GALK2: variants seen among roughly 807,000 people sequenced by gnomAD.
GALK2 encodes galactokinase 2.
Under a neutral mutation model 52.4 loss-of-function variants are expected in GALK2, and 36 were observed. The observed-to-expected ratio is 0.69, with a 90% confidence interval of 0.53 to 0.91. The LOEUF (loss-of-function observed/expected upper bound fraction) is 0.91. Ranked by LOEUF, GALK2 falls within the 40% of genes least tolerant of loss-of-function variation. The probability of loss-of-function intolerance (pLI) is 0.00; values close to 1 mark genes in which losing one functional copy is unlikely to be tolerated. For missense variants in GALK2, 579 were observed against 559.1 expected (o/e 1.04, Z -0.36); for synonymous variants, 176 against 199.1 (o/e 0.88, Z 0.98).
At chr15:49,174,437 C>T (rs1022449186) in intron 1 of GALK2, among the ~76,000 whole-genome samples, 1 of 152,118 alleles carries the variant, frequency 6.6e-6, no homozygotes, top group Non-Finnish European at 1.5e-5. Context: ...CCACCACTTG[C>T]CGGGTTCAAG....
At chr15:49,331,964 A>G, downstream of GALK2, 1 of 680,332 alleles carries the variant, frequency 1.5e-6, no homozygotes, top group South Asian at 1.7e-5. Flanking sequence ...CAAGCACTTT[A>G]CATATATTAA....
intron 3 of GALK2, among the ~76,000 whole-genome samples, chr15:49,361,927 T>C (rs990446726): frequency 2.6e-5 from 4 of 152,214 alleles, no homozygotes; most frequent in South Asian, 4.1e-4. Flanking sequence ...GACTTTTCCA[T>C]AGTAGCCATT....
intron 5 of GALK2, among the ~76,000 whole-genome samples, chr15:49,269,206 G>A (rs1421831046): frequency 2.0e-5 from 3 of 152,088 alleles, no homozygotes; most frequent in African/African-American, 7.2e-5. Flanking sequence ...ACTTCTTTTG[G>A]TTCTCCCATG....
At position 49,331,768 on chromosome 15, in the gene GALK2, A is replaced by G. The variant is rs753897866; in HGVS notation, c.*3609A>G. On this transcript the variant is annotated 3_prime_UTR_variant, in exon 10 of 10. Transcript: ENST00000560031. Reference sequence around the variant, plus strand: ...GAGAGAATTCTCAATTATTTTCAGAAAGAAAACCTACCAGTTTATGTAGGA... The same window carrying G: ...GAGAGAATTCTCAATTATTTTCAGAGAGAAAACCTACCAGTTTATGTAGGA... 1 of 1,533,262 alleles carries G rather than the reference A, an allele frequency of 6.5e-7. No homozygotes were observed. The highest frequency in any genetic ancestry group is 1.1e-5 in the South Asian group (1 of 89,256). 95.0% of individuals were successfully genotyped at this position (1,533,262 alleles called of 1,614,324 possible).
At chr15:49,178,248 G>GTA (rs2085655480) in intron 1 of GALK2, 2 of 76,494 alleles carry the variant, frequency 2.6e-5, no homozygotes, top group East Asian at 5.5e-4. Context: ...GTATAAATAT[G>GTA]TCTATATGTA....
At chr15:49,236,081 A>G in intron 4 of GALK2, 140 bp downstream of exon 4, 1 of 635,424 alleles carries the variant, frequency 1.6e-6, no homozygotes, top group Non-Finnish European at 2.8e-6. Context: ...TTTGTGTTTC[A>G]GAGAGTGGGG....
chr15:49,197,548 C>T (rs892231799), intron 1 of GALK2, among the ~76,000 whole-genome samples: 5 of 152,180 alleles, frequency 3.3e-5, no homozygotes, highest in Admixed American at 6.5e-5. Flanking sequence ...GTTTCATATA[C>T]GCTTTATTCA....
chr15:49,352,595 T>C (rs1387297990), intron 3 of GALK2, among the ~76,000 whole-genome samples: 2 of 152,218 alleles, frequency 1.3e-5, no homozygotes, highest in Non-Finnish European at 2.9e-5. Flanking sequence ...TATTCTGTGT[T>C]ATGCATAATT....
intron 8 of GALK2, among the ~76,000 whole-genome samples, chr15:49,298,442 C>A (rs1351886829): frequency 6.6e-6 from 1 of 151,948 alleles, no homozygotes; most frequent in Non-Finnish European, 1.5e-5. Context: ...TGGCTAGGAC[C>A]TCCAATACTA....
intron 2 of GALK2, among the ~76,000 whole-genome samples, chr15:49,215,498 C>T (rs1157477632): frequency 6.6e-6 from 1 of 151,394 alleles, no homozygotes; most frequent in Non-Finnish European, 1.5e-5. Context: ...TTTTCTTGAT[C>T]GATTCTGCTG....
rs1269291928 is a variant in GALK2, at chr15:49,328,588, A to C, written c.*429A>C. The C allele has an allele frequency of 1.3e-6, 2 of 1,598,048 alleles. No individual in the cohort carries two copies. The highest frequency in any genetic ancestry group is 1.7e-6 in the Non-Finnish European group (2 of 1,169,576). On this transcript the variant is annotated 3_prime_UTR_variant, in exon 10 of 10. Coordinates refer to ENST00000560031, the MANE Select transcript of GALK2 (RefSeq NM_002044.4). ...TTCTCTTAGTATTCTTCTTCCTCAA[A>C]GTTGTAGTTGTCTGTTGATGATGGT...
chr15:49,160,207 C>T (rs571893531), intron 1 of GALK2, among the ~76,000 whole-genome samples: 37 of 151,586 alleles, frequency 2.4e-4, no homozygotes, highest in South Asian at 1.7e-3. Flanking sequence ...TCTGGGAGGT[C>T]GGGGTTGCAG....
chr15:49,309,815 C>T (rs2035844490), intron 8 of GALK2, among the ~76,000 whole-genome samples: 1 of 152,020 alleles, frequency 6.6e-6, no homozygotes, highest in Non-Finnish European at 1.5e-5. Flanking sequence ...AGACAGGTTT[C>T]TCCATGTTGG....
chr15:49,338,343 A>G (rs1006938634), intron 3 of GALK2, among the ~76,000 whole-genome samples: 3 of 152,098 alleles, frequency 2.0e-5, no homozygotes, highest in Admixed American at 6.5e-5. Context: ...ATCTCTCAGC[A>G]TTTCCTTGTC....
intron 2 of GALK2, among the ~76,000 whole-genome samples, chr15:49,213,037 T>C (rs1386810977): frequency 6.6e-6 from 1 of 152,182 alleles, no homozygotes; most frequent in African/African-American, 2.4e-5. Flanking sequence ...AAGTCTGATG[T>C]TTCTTTGTTG....
chr15:49,292,985 C>G (rs2034092558), intron 8 of GALK2, among the ~76,000 whole-genome samples: 1 of 152,134 alleles, frequency 6.6e-6, no homozygotes, highest in South Asian at 2.1e-4. Context: ...TTTCAATTAA[C>G]TTTATTTTTA....
rs754787683 is a variant in GALK2, at chr15:49,253,447, T to C, written c.504+14080T>C. Reference sequence around the variant, plus strand: ...TTTCTTTCTTTCTTTTTTTTTGTGGTGAAAGCAAGTTTATTAAGCAACTAA... The same window carrying C: ...TTTCTTTCTTTCTTTTTTTTTGTGGCGAAAGCAAGTTTATTAAGCAACTAA... On this transcript the variant is annotated intron_variant, in intron 5 of 9. Transcript: ENST00000560031. Among the ~76,000 whole-genome samples, 23 of 144,408 alleles carry C rather than the reference T, an allele frequency of 1.6e-4. 5 individuals carry two copies. Among genetic ancestry groups the C allele is most frequent in the Admixed American group, 6.3e-4 (9 of 14,292 alleles). The allele number at this position is 144,408 out of a possible 152,430, so 94.7% of individuals were successfully genotyped here.
At chr15:49,347,356 G>C (rs1393971495) in intron 3 of GALK2, among the ~76,000 whole-genome samples, 1 of 152,148 alleles carries the variant, frequency 6.6e-6, no homozygotes, top group Admixed American at 6.5e-5. Context: ...GACTGTAACA[G>C]CTTAGTGATC....
chr15:49,337,407 C>T (rs189483719), intron 3 of GALK2, among the ~76,000 whole-genome samples: 8 of 147,830 alleles, frequency 5.4e-5, no homozygotes, highest in South Asian at 2.2e-4. Context: ...GATGATATCT[C>T]ATTGTGGTTT....
Sources: allele counts gnomAD v4.1 joint callset (sites outside exome capture counted in the v4.1 genomes callset), GRCh38; gene constraint gnomAD v4.1.1; transcripts MANE v1.5; gene names NCBI Gene and HGNC (gene_info 2026-07-23, HGNC 2026-07-21).